Variants in NPSR1 observed in about 807,000 individuals in gnomAD.
NPSR1 encodes neuropeptide S receptor 1.
A neutral mutation model predicts 46.9 loss-of-function variants in NPSR1; 48 were observed. The observed-to-expected ratio is 1.02, with a 90% CI of 0.81 to 1.30. NPSR1 has a LOEUF of 1.30. Among genes scored for constraint, NPSR1 ranks in the 50% most tolerant of loss-of-function variants. NPSR1 has a pLI of 0.00. For synonymous variants in NPSR1, 176 were observed against 168.1 expected (o/e 1.05, Z -0.36); for missense variants, 450 against 449.5 (o/e 1.00, Z -0.01).
intron 2 of NPSR1, among the ~76,000 whole-genome samples, chr7:34,736,519 C>T (rs553821518): frequency 1.1e-4 from 17 of 152,154 alleles, no homozygotes; most frequent in African/African-American, 2.4e-4. Context: ...CCCACACTGG[C>T]GAACAAAGCT....
intron 1 of NPSR1, among the ~76,000 whole-genome samples, chr7:34,672,406 T>C (rs1792103665): frequency 6.6e-6 from 1 of 152,218 alleles, no homozygotes; most frequent in African/African-American, 2.4e-5. Flanking sequence ...ACATTGGCAT[T>C]TCTGTTTCTG....
chr7:34,799,126 G>A (rs1022339029), intron 3 of NPSR1, among the ~76,000 whole-genome samples: 1 of 152,100 alleles, frequency 6.6e-6, no homozygotes, highest in Non-Finnish European at 1.5e-5. Context: ...TTATTAAATT[G>A]AAGTAGAATT....
At chr7:34,855,913 T>C (rs1468778194) in intron 8 of NPSR1, among the ~76,000 whole-genome samples, 3 of 152,124 alleles carry the variant, frequency 2.0e-5, no homozygotes, top group African/African-American at 7.2e-5. Context: ...AAACAATATA[T>C]AAACTCAACA....
chr7:34,804,894 A>T (rs890751277), intron 3 of NPSR1, among the ~76,000 whole-genome samples: 2 of 152,034 alleles, frequency 1.3e-5, no homozygotes, highest in African/African-American at 4.8e-5. Flanking sequence ...GTTTTTTTCC[A>T]GCAATTACCA....
intron 8 of NPSR1, among the ~76,000 whole-genome samples, chr7:34,857,440 T>G (rs1429311535): frequency 6.6e-6 from 1 of 151,224 alleles, no homozygotes; most frequent in Non-Finnish European, 1.5e-5. Context: ...AGAAAAGGAG[T>G]CCAGGGAAAG....
At chr7:34,763,459 T>C (rs928795608) in intron 2 of NPSR1, among the ~76,000 whole-genome samples, 3 of 152,052 alleles carry the variant, frequency 2.0e-5, no homozygotes, top group Non-Finnish European at 4.4e-5. Flanking sequence ...GAGGTAGAGC[T>C]GAACTAAAAA....
At chr7:34,778,309 T>A (rs34236573) in intron 2 of NPSR1, among the ~76,000 whole-genome samples, 153 bp from the exon 3 acceptor site, 106 of 152,260 alleles carry the variant, frequency 7.0e-4, no homozygotes, top group African/African-American at 2.4e-3. Context: ...TACCTTGCTT[T>A]GCATTTCCTC....
rs1021023944 is a variant in NPSR1, at chr7:34,718,440, G to A, written c.280+33756G>A. On this transcript the variant is annotated intron_variant, in intron 2 of 8. Transcript: ENST00000360581. ...ATAGTTTTGACTTTGCAGATCCCCCGAAGGGGTCCCAGAGACCCACAGGAG... is the reference window on the plus strand; with the variant it reads ...ATAGTTTTGACTTTGCAGATCCCCCAAAGGGGTCCCAGAGACCCACAGGAG... 5.9e-5 allele frequency among the ~76,000 whole-genome samples: 9 copies of A among 152,144 alleles called. No homozygotes were observed. In the East Asian group the frequency reaches 1.2e-3, roughly 20 times the overall value.
intron 5 of NPSR1, among the ~76,000 whole-genome samples, chr7:34,828,031 G>A (rs1327982960): frequency 2.0e-5 from 3 of 152,074 alleles, no homozygotes; most frequent in Non-Finnish European, 4.4e-5. Context: ...CCAAATATAA[G>A]GCAAATTACC....
chr7:34,778,638 T>G, intron 3 of NPSR1, 73 bp downstream of exon 3: 3 of 985,402 alleles, frequency 3.0e-6, no homozygotes, highest in Non-Finnish European at 4.7e-6. Flanking sequence ...CTAAGGAAAA[T>G]CATATAAAAC....
intron 4 of NPSR1, among the ~76,000 whole-genome samples, chr7:34,820,162 C>A (rs1293493538): frequency 6.6e-6 from 1 of 152,088 alleles, no homozygotes; most frequent in Non-Finnish European, 1.5e-5. Flanking sequence ...CAGGAAGAAG[C>A]CTTTGGAGGT....
intron 5 of NPSR1, among the ~76,000 whole-genome samples, chr7:34,831,568 C>T (rs1238977704): frequency 6.6e-6 from 1 of 152,220 alleles, no homozygotes; most frequent in African/African-American, 2.4e-5. Context: ...AAAGATGTAG[C>T]TGTTCCATCA....
chr7:34,750,768 C>A (rs1305994904), intron 2 of NPSR1: 12 of 693,020 alleles, frequency 1.7e-5, no homozygotes, highest in Middle Eastern at 2.6e-4. Context: ...AGCTGTGACA[C>A]ACAGTAGGCC....
Position 34,849,623 on chromosome 7 carries a change from A to G in NPSR1, c.1084A>G (p.Met362Val), listed in dbSNP as rs751356437. 2 of 1,614,144 alleles carry G rather than the reference A, an allele frequency of 1.2e-6. No homozygotes were observed. The highest frequency in any genetic ancestry group is 1.7e-6 in the Non-Finnish European group (2 of 1,180,018). ...CCGGGAGAGAACTGAGAGGCATGAG[A>G]TGCAGATTCTGTCCAAGCCAGAATT... ...TFRERTERHE[M>V]QILSKPEFI Residue 362 changes from methionine (M) to valine (V), a missense_variant, in exon 9 of 9, where the codon ATG (methionine) becomes GTG (valine). By Grantham distance (21) the Met-to-Val change is conservative. Transcript: ENST00000360581.
At chr7:34,780,376 A>T (rs1195113616) in intron 3 of NPSR1, among the ~76,000 whole-genome samples, 1 of 152,090 alleles carries the variant, frequency 6.6e-6, no homozygotes, top group Non-Finnish European at 1.5e-5. Flanking sequence ...TGTCAGTAAA[A>T]TTTTTTCTAA....
intron 2 of NPSR1, among the ~76,000 whole-genome samples, chr7:34,742,171 C>CTTT (rs61342932): frequency 4.2e-4 from 61 of 145,892 alleles, no homozygotes; most frequent in East Asian, 4.2e-3. Flanking sequence ...AATCTCTCTC[C>CTTT]TTTTTTTTTT....
At chr7:34,706,480 A>G (rs1030487811) in intron 2 of NPSR1, among the ~76,000 whole-genome samples, 3 of 152,128 alleles carry the variant, frequency 2.0e-5, no homozygotes, top group South Asian at 4.1e-4. Flanking sequence ...TTTGATTTTG[A>G]TTCAATGATT....
intron 1 of NPSR1, among the ~76,000 whole-genome samples, chr7:34,673,098 A>G (rs558034573): frequency 6.6e-6 from 1 of 152,276 alleles, no homozygotes; most frequent in African/African-American, 2.4e-5. Context: ...CTCAGCTCAC[A>G]TAACAGTCTC....
intron 3 of NPSR1, among the ~76,000 whole-genome samples, chr7:34,787,054 TCTC>T (rs1305495879): frequency 1.3e-5 from 2 of 152,134 alleles, no homozygotes; most frequent in Non-Finnish European, 2.9e-5. Flanking sequence ...GGCATTGACT[TCTC>T]CTCTCTAGCT....
Sources: allele counts gnomAD v4.1 joint callset (sites outside exome capture counted in the v4.1 genomes callset), GRCh38; gene constraint gnomAD v4.1.1; transcripts MANE v1.5; gene names NCBI Gene and HGNC (gene_info 2026-07-23, HGNC 2026-07-21).